CHL1: variants seen among roughly 807,000 people sequenced by gnomAD.
CHL1 encodes neural cell adhesion molecule L1-like protein.
Under a neutral mutation model 141.9 loss-of-function variants are expected in CHL1, and 96 were observed. The ratio of observed to expected loss-of-function variants is 0.68; its 90% CI spans 0.57 to 0.80. CHL1 has a LOEUF of 0.80. Ranked by LOEUF, CHL1 falls within the 30% of genes least tolerant of loss-of-function variation. The pLI, the probability that CHL1 is intolerant of heterozygous loss-of-function variation, is 0.00. For missense variants in CHL1, 1,820 were observed against 1,457.2 expected (o/e 1.25, Z -4.05); for synonymous variants, 613 against 502.2 (o/e 1.22, Z -2.95).
rs193195969 is a variant in CHL1, at chr3:270,620, T to G, written c.-95+25928T>G. On this transcript the variant is annotated intron_variant, in intron 2 of 27. Transcript: ENST00000256509. Reference sequence around the variant, plus strand: ...TAGTTACTGTTAGTGCATAAAAAATTACCCAAAATTTGGTGGCCAAAAACA... The same window carrying G: ...TAGTTACTGTTAGTGCATAAAAAATGACCCAAAATTTGGTGGCCAAAAACA... Among the ~76,000 whole-genome samples the G allele has an allele frequency of 7.9e-5, 12 of 152,330 alleles. No homozygotes were observed. The East Asian group carries it at 2.1e-3, about 27-fold the overall frequency.
intron 2 of CHL1, among the ~76,000 whole-genome samples, chr3:310,677 C>T (rs1029697971): frequency 1.4e-4 from 22 of 152,136 alleles, no homozygotes; most frequent in African/African-American, 5.1e-4. Context: ...ACAGCCTCTC[C>T]GTTATCAACA....
rs930972293 is a variant in CHL1, at chr3:408,050, T to C, written c.*2339T>C. 6.6e-6 allele frequency: 1 copy of C among 152,180 alleles called. No homozygotes were observed. Among genetic ancestry groups the C allele is most frequent in the African/African-American group, 2.4e-5 (1 of 41,462 alleles). 9.4% of individuals were successfully genotyped at this position (152,180 alleles called of 1,614,324 possible). On this transcript the variant is annotated 3_prime_UTR_variant, in exon 28 of 28. Transcript: ENST00000256509. ...GACCCTGATTTTAATTGTGAAATTA[T>C]ATGATTCATATATTTTATGAATCAG...
intron 23 of CHL1, among the ~76,000 whole-genome samples, 188 bp downstream of exon 23, chr3:391,985 A>G (rs1016560086): frequency 6.6e-6 from 1 of 152,210 alleles, no homozygotes; most frequent in Non-Finnish European, 1.5e-5. Context: ...GTTTTTAGGA[A>G]TAAAGTTTTA....
At chr3:240,927 G>T (rs1209224584) in intron 1 of CHL1, among the ~76,000 whole-genome samples, 2 of 152,202 alleles carry the variant, frequency 1.3e-5, no homozygotes, top group Middle Eastern at 3.4e-3. Context: ...GTTTATTTCT[G>T]GGTTCTCTAT....
At chr3:210,200 A>T (rs2124896500) in intron 1 of CHL1, among the ~76,000 whole-genome samples, 1 of 152,366 alleles carries the variant, frequency 6.6e-6, no homozygotes, top group Admixed American at 6.5e-5. Flanking sequence ...GCAAAGTAAC[A>T]ATTTGTGTAA....
chr3:400,586 C>CTTCT (rs1709043628), intron 26 of CHL1, among the ~76,000 whole-genome samples: 1 of 139,546 alleles, frequency 7.2e-6, no homozygotes, highest in South Asian at 2.2e-4. Flanking sequence ...TATTTGAGGG[C>CTTCT]TTTTTTTTTT....
intron 1 of CHL1, among the ~76,000 whole-genome samples, chr3:211,434 T>C (rs1423631511): frequency 1.3e-5 from 2 of 152,184 alleles, no homozygotes; most frequent in African/African-American, 4.8e-5. Flanking sequence ...TGCTTATTCC[T>C]CTCCAAATTC....
In CHL1 at chr3:322,648, A is replaced by ATATATATATATATATATATATAATTT. The variant is rs1700674726; in HGVS notation, c.91+2806_91+2807insTTATATATATATATATATATATAATT. On this transcript the variant is annotated intron_variant, in intron 3 of 27. Coordinates refer to ENST00000256509, the MANE Select transcript of CHL1 (RefSeq NM_006614.4). ...TCTAAATTATATATATATATAAAAT[A>ATATATATATATATATATATATAATTT]TATATATATATATATATATATAATT... is the stretch of plus-strand genomic sequence containing the variant. 4.8e-4 allele frequency among the ~76,000 whole-genome samples: 22 copies of ATATATATATATATATATATATAATTT among 45,492 alleles called. No individual in the cohort carries two copies. In the African/African-American group the frequency reaches 6.3e-3, roughly 13 times the overall value. The allele number at this position is 45,492 out of a possible 152,430, so 29.8% of individuals were successfully genotyped here. A position where few individuals can be genotyped will look rare whatever the true frequency, so the allele number is the denominator to read the frequency against.
At chr3:223,053 C>T (rs888152542) in intron 1 of CHL1, among the ~76,000 whole-genome samples, 24 of 152,166 alleles carry the variant, frequency 1.6e-4, no homozygotes, top group African/African-American at 5.3e-4. Context: ...CAATATCTCC[C>T]TCTCAAAATC....
intron 24 of CHL1, among the ~76,000 whole-genome samples, chr3:395,907 G>A (rs186575383): frequency 6.6e-6 from 1 of 152,168 alleles, no homozygotes. Flanking sequence ...TATTGAAGAT[G>A]TATATTAAAA....
intron 1 of CHL1, among the ~76,000 whole-genome samples, chr3:227,165 A>G (rs1325312248): frequency 2.0e-5 from 3 of 152,192 alleles, no homozygotes; most frequent in African/African-American, 7.2e-5. Context: ...ACTACCACCC[A>G]TGAATGTCCA....
At chr3:256,657 C>G (rs1346871929) in intron 2 of CHL1, among the ~76,000 whole-genome samples, 1 of 152,218 alleles carries the variant, frequency 6.6e-6, no homozygotes, top group Non-Finnish European at 1.5e-5. Flanking sequence ...TGGAATCATG[C>G]TGAGGTTGAG....
intron 2 of CHL1, among the ~76,000 whole-genome samples, chr3:253,079 A>G (rs140019614): frequency 1.5e-3 from 232 of 152,218 alleles, no homozygotes; most frequent in African/African-American, 5.4e-3. Flanking sequence ...TTTACAAGTT[A>G]CTTAATCTTT....
intron 8 of CHL1, 117 bp downstream of exon 8, chr3:343,148 C>T: frequency 1.3e-6 from 1 of 748,482 alleles, no homozygotes; most frequent in Non-Finnish European, 2.1e-6. Context: ...TTATGAAAAA[C>T]ATCTGAACTT....
intron 2 of CHL1, among the ~76,000 whole-genome samples, chr3:301,070 C>T (rs533418598): frequency 1.3e-5 from 2 of 152,066 alleles, no homozygotes; most frequent in African/African-American, 4.8e-5. Flanking sequence ...TAATGACATG[C>T]CATTGAAGGT....
intron 2 of CHL1, among the ~76,000 whole-genome samples, chr3:283,998 C>A (rs1696897577): frequency 6.6e-6 from 1 of 152,228 alleles, no homozygotes; most frequent in Non-Finnish European, 1.5e-5. Context: ...CTCTCCCTCA[C>A]TGATTCATCC....
At chr3:382,075 A>G in intron 16 of CHL1, 104 bp from the exon 17 acceptor site, 1 of 871,558 alleles carries the variant, frequency 1.1e-6, no homozygotes, top group Non-Finnish European at 1.8e-6. Context: ...GGTCCCTAAG[A>G]GGGTGGTACC....
At chr3:353,923 T>C (rs150564035) in intron 10 of CHL1, among the ~76,000 whole-genome samples, 3 of 152,260 alleles carry the variant, frequency 2.0e-5, no homozygotes, top group African/African-American at 7.2e-5. Flanking sequence ...AACATAGAGT[T>C]ATAAAAACAT....
chr3:284,525 A>G (rs1427041783), intron 2 of CHL1, among the ~76,000 whole-genome samples: 1 of 152,200 alleles, frequency 6.6e-6, no homozygotes, highest in Non-Finnish European at 1.5e-5. Context: ...TACCAATGTA[A>G]AGGCGTTGTT....
Sources: allele counts gnomAD v4.1 joint callset (sites outside exome capture counted in the v4.1 genomes callset), GRCh38; gene constraint gnomAD v4.1.1; transcripts MANE v1.5; gene names NCBI Gene and HGNC (gene_info 2026-07-23, HGNC 2026-07-21).